The following MRPL1 variants were observed in gnomAD, a reference collection of about 807,000 sequenced individuals.
The protein encoded by MRPL1 is mitochondrial ribosomal protein L1.
A neutral mutation model predicts 38.0 loss-of-function variants in MRPL1; 28 were observed. That is an observed-to-expected ratio of 0.74 (90% CI 0.55 to 1.01). MRPL1 has a LOEUF of 1.01. Among genes scored for constraint, MRPL1 ranks in the 50% least tolerant of loss-of-function variants. MRPL1 has a pLI of 0.00. For synonymous variants in MRPL1, 123 were observed against 126.7 expected (o/e 0.97, Z 0.20); for missense variants, 358 against 389.8 (o/e 0.92, Z 0.69).
chr4:77,871,959 A>C, intron 2 of MRPL1, 104 bp downstream of exon 2: 1 of 747,722 alleles, frequency 1.3e-6, no homozygotes. Context: ...TAGTTGTAAA[A>C]GTTTATTATT....
chr4:77,882,160 C>T (rs1735556314), intron 2 of MRPL1, among the ~76,000 whole-genome samples: 1 of 152,200 alleles, frequency 6.6e-6, no homozygotes. Flanking sequence ...AAAACATTTA[C>T]TATCTGGTCC....
chr4:77,899,358 C>T (rs1042406325), intron 6 of MRPL1, among the ~76,000 whole-genome samples: 2 of 151,966 alleles, frequency 1.3e-5, no homozygotes, highest in African/African-American at 4.8e-5. Context: ...CGAGCCCCCC[C>T]GCACCTTCAT....
At chr4:77,916,446 C>T (rs577669275) in intron 7 of MRPL1, among the ~76,000 whole-genome samples, 86 of 152,164 alleles carry the variant, frequency 5.7e-4, no homozygotes, top group African/African-American at 2.0e-3. Flanking sequence ...ACACCAGAGC[C>T]CCTTTCCCTG....
At chr4:77,935,171 AT>A (rs1386626687) in intron 7 of MRPL1, among the ~76,000 whole-genome samples, 1 of 152,166 alleles carries the variant, frequency 6.6e-6, no homozygotes, top group African/African-American at 2.4e-5. Context: ...ACATGAGGGA[AT>A]TTTTTGGATT....
chr4:77,913,771 C>G (rs1578052203), intron 7 of MRPL1, among the ~76,000 whole-genome samples: 1 of 152,154 alleles, frequency 6.6e-6, no homozygotes, highest in African/African-American at 2.4e-5. Flanking sequence ...AAAAAAAATT[C>G]TTCAGTAATA....
At chr4:77,912,383 A>G (rs575217404) in intron 7 of MRPL1, among the ~76,000 whole-genome samples, 4 of 152,300 alleles carry the variant, frequency 2.6e-5, no homozygotes, top group East Asian at 1.9e-4. Context: ...TAGAAGCTCA[A>G]TGTACAAAAA....
intron 7 of MRPL1, among the ~76,000 whole-genome samples, chr4:77,935,810 T>C (rs1736958106): frequency 6.6e-6 from 1 of 151,906 alleles, no homozygotes; most frequent in Admixed American, 6.6e-5. Flanking sequence ...TGCACACCTG[T>C]AGTCCCAGCT....
chr4:77,950,023 T>C (rs1001657240), intron 8 of MRPL1, 145 bp downstream of exon 8: 10 of 470,074 alleles, frequency 2.1e-5, no homozygotes, highest in African/African-American at 1.2e-4. Flanking sequence ...ATGCAAGTTT[T>C]ATATTTCCAG....
At chr4:77,869,020 G>A (rs1578036054) in intron 1 of MRPL1, among the ~76,000 whole-genome samples, 1 of 152,226 alleles carries the variant, frequency 6.6e-6, no homozygotes, top group East Asian at 1.9e-4. Context: ...AAGTGTAGAA[G>A]ACAGAACAGT....
At chr4:77,944,184 A>AT (rs1737200648) in intron 7 of MRPL1, among the ~76,000 whole-genome samples, 1 of 152,204 alleles carries the variant, frequency 6.6e-6, no homozygotes, top group Non-Finnish European at 1.5e-5. Flanking sequence ...AGCAGTTACC[A>AT]GGCTCCAGGC....
At chr4:77,865,179 C>T (rs1735099826) in intron 1 of MRPL1, among the ~76,000 whole-genome samples, 1 of 152,078 alleles carries the variant, frequency 6.6e-6, no homozygotes, top group Admixed American at 6.6e-5. Flanking sequence ...CATGAGCCAC[C>T]ATGCCCAGCC....
At chr4:77,874,136 G>A (rs1735342197) in intron 2 of MRPL1, among the ~76,000 whole-genome samples, 3 of 151,560 alleles carry the variant, frequency 2.0e-5, no homozygotes, top group Non-Finnish European at 4.4e-5. Flanking sequence ...GTAGGCGCCT[G>A]CCACCACGCC....
At chr4:77,905,298 AC>A (rs936888468) in intron 6 of MRPL1, among the ~76,000 whole-genome samples, 1 of 151,990 alleles carries the variant, frequency 6.6e-6, no homozygotes, top group Non-Finnish European at 1.5e-5. Context: ...GGAGTTCGAG[AC>A]CAGCCTGGCC....
intron 2 of MRPL1, among the ~76,000 whole-genome samples, chr4:77,873,198 ATGT>A (rs1337349195): frequency 1.3e-5 from 2 of 152,234 alleles, no homozygotes; most frequent in African/African-American, 4.8e-5. Context: ...CACATAGCAT[ATGT>A]TAGTTCTTTT....
intron 7 of MRPL1, among the ~76,000 whole-genome samples, chr4:77,940,861 A>G (rs923718072): frequency 6.6e-6 from 1 of 152,186 alleles, no homozygotes; most frequent in Non-Finnish European, 1.5e-5. Context: ...TAACTTGCAT[A>G]TGTTAAACTA....
At chr4:77,867,746 CTTTTT>C (rs71214374) in intron 1 of MRPL1, among the ~76,000 whole-genome samples, 2 of 92,032 alleles carry the variant, frequency 2.2e-5, no homozygotes, top group African/African-American at 4.2e-5. Flanking sequence ...ATAGTTATTT[CTTTTT>C]TTTTTTTTTT....
intron 2 of MRPL1, among the ~76,000 whole-genome samples, chr4:77,877,697 A>C (rs2110232308): frequency 6.8e-6 from 1 of 147,214 alleles, no homozygotes; most frequent in Non-Finnish European, 1.5e-5. Flanking sequence ...CCTTCTCTTC[A>C]TGGCACCACT....
chr4:77,952,768 ATT>A lies in MRPL1; in HGVS notation c.*164_*165del. ...GTCATTTCAAGAATAAGAAAATAAA[ATT>A]TTCTCTTTGTCTGAACCTGCCTTTT... On this transcript the variant is annotated 3_prime_UTR_variant, in exon 9 of 9. Transcript: ENST00000315567. The A allele has an allele frequency of 1.8e-6, 1 of 561,072 alleles. No individual in the cohort carries two copies. Among genetic ancestry groups the A allele is most frequent in the Non-Finnish European group, 3.1e-6 (1 of 325,498 alleles). 34.8% of individuals were successfully genotyped at this position (561,072 alleles called of 1,614,324 possible). A position where few individuals can be genotyped will look rare whatever the true frequency, so the allele number is the denominator to read the frequency against.
intron 6 of MRPL1, chr4:77,908,246 T>C: frequency 5.9e-6 from 1 of 169,852 alleles, no homozygotes. Flanking sequence ...GTTATTATTT[T>C]TTTTTTTTGA....
Sources: gnomAD v4.1 joint callset for allele counts (sites outside exome capture counted in the v4.1 genomes callset) on GRCh38, gnomAD v4.1.1 for gene constraint, MANE v1.5 for transcripts, NCBI Gene and HGNC (gene_info 2026-07-23, HGNC 2026-07-21) for gene names.